The following HEXB variants were observed in gnomAD, a reference collection of about 807,000 sequenced individuals.
The protein encoded by HEXB is hexosaminidase subunit beta.
In HEXB, 51 loss-of-function variants were observed where a neutral mutation model predicts 71.2. The observed-to-expected ratio is 0.72, with a 90% confidence interval of 0.57 to 0.90. The LOEUF (loss-of-function observed/expected upper bound fraction) is 0.90. Ranked by LOEUF, HEXB falls within the 40% of genes least tolerant of loss-of-function variation. HEXB has a pLI of 0.00. For synonymous variants in HEXB, 266 were observed against 249.3 expected (o/e 1.07, Z -0.63); for missense variants, 617 against 677.0 (o/e 0.91, Z 0.98).
chr5:74,685,660 G>C (rs1748851304), intron 1 of HEXB, 101 bp downstream of exon 1: 4 of 1,093,994 alleles, frequency 3.7e-6, no homozygotes, highest in Non-Finnish European at 5.1e-6. Flanking sequence ...GCGCAGACGA[G>C]AAACCGCCTG....
chr5:74,670,334 T>C lies in HEXB; in HGVS notation c.-376-18994T>C, dbSNP rs1371621271. Among the ~76,000 whole-genome samples the C allele has an allele frequency of 2.6e-5, 4 of 151,814 alleles. No individual in the cohort carries two copies. The East Asian group carries it at 5.8e-4, about 22-fold the overall frequency. The stretch of plus-strand genomic sequence containing the variant: ...GACTCAGCCACACTGAGAGAAACCA[T>C]CAACTTCAGGCGGGGGACCACCCTC... On this transcript the variant is annotated intron_variant, in intron 1 of 13. Transcript: ENST00000511181.
chr5:74,701,554 T>C (rs189487519), intron 5 of HEXB, among the ~76,000 whole-genome samples: 23 of 152,282 alleles, frequency 1.5e-4, no homozygotes, highest in African/African-American at 5.3e-4. Flanking sequence ...TCATAATCTT[T>C]ACTACTTTAT....
intron 1 of HEXB, among the ~76,000 whole-genome samples, chr5:74,661,231 T>C (rs1450357260): frequency 6.6e-6 from 1 of 152,180 alleles, no homozygotes; most frequent in African/African-American, 2.4e-5. Context: ...TTCCAGAAGC[T>C]GAACATAAAT....
chr5:74,718,222 A>G (rs1243313728), intron 9 of HEXB, 69 bp from the exon 10 acceptor site: 2 of 1,064,826 alleles, frequency 1.9e-6, no homozygotes, highest in African/African-American at 3.2e-5. Context: ...CTTGGTAGAA[A>G]ATGTACATGT....
At chr5:74,718,457 AC>A (rs1749729925) in intron 10 of HEXB, 94 bp downstream of exon 10, 1 of 948,432 alleles carries the variant, frequency 1.1e-6, no homozygotes, top group African/African-American at 1.6e-5. Flanking sequence ...TACTAGTATT[AC>A]CTTTCTAGTG....
intron 1 of HEXB, among the ~76,000 whole-genome samples, chr5:74,648,345 G>T (rs181037721): frequency 1.9e-3 from 294 of 152,234 alleles, no homozygotes; most frequent in Non-Finnish European, 3.4e-3. Flanking sequence ...ATTTACTTTT[G>T]TAGTTGACTT....
intron 6 of HEXB, among the ~76,000 whole-genome samples, chr5:74,712,354 G>A (rs1007394490): frequency 2.0e-4 from 30 of 150,470 alleles, no homozygotes; most frequent in South Asian, 1.3e-3. Flanking sequence ...TGGGTGCAGC[G>A]CACCAGCATG....
chr5:74,658,638 T>C (rs1035505745), intron 1 of HEXB, among the ~76,000 whole-genome samples: 1 of 152,166 alleles, frequency 6.6e-6, no homozygotes, highest in Non-Finnish European at 1.5e-5. Context: ...CCCTGGGTGG[T>C]AATATCCCTT....
chr5:74,720,525 G>T lies in HEXB; in HGVS notation c.1508+7G>T. The stretch of plus-strand genomic sequence containing the variant: ...ACCTCACTCCAAGATTATGGTATGG[G>T]ATTTACCTGATAACATTTAAGAATT... On this transcript the variant is annotated splice_region_variant and intron_variant, in intron 12 of 13. Coordinates refer to ENST00000261416, the MANE Select transcript of HEXB (RefSeq NM_000521.4). 6.2e-7 allele frequency: 1 copy of T among 1,603,120 alleles called. No individual in the cohort carries two copies. The highest frequency in any genetic ancestry group is 1.1e-5 in the South Asian group (1 of 90,884).
At chr5:74,654,659 C>T (rs1195944008) in intron 1 of HEXB, among the ~76,000 whole-genome samples, 1 of 151,880 alleles carries the variant, frequency 6.6e-6, no homozygotes, top group Non-Finnish European at 1.5e-5. Flanking sequence ...GAGGGGGAAA[C>T]GAGGAATAAG....
chr5:74,697,792 A>C (rs1252598949), intron 5 of HEXB, among the ~76,000 whole-genome samples: 1 of 151,454 alleles, frequency 6.6e-6, no homozygotes, highest in Non-Finnish European at 1.5e-5. Flanking sequence ...TGCCATTTAA[A>C]TTTTGTGACC....
rs976848045 is a variant in HEXB at position 74,718,874 on chromosome 5, C to T, written c.1320C>T (p.Gly440=). The T allele has an allele frequency of 3.1e-6, 5 of 1,613,922 alleles. No homozygotes were observed. The highest frequency in any genetic ancestry group is 4.2e-6 in the Non-Finnish European group (5 of 1,179,820). The change falls in exon 11 of 14, where the codon GGC becomes GGT. Residue 440 remains glycine (G), a synonymous_variant. Coordinates refer to ENST00000261416, the MANE Select transcript of HEXB (RefSeq NM_000521.4). ...PEELSRVTAS[G]FPVILSAPWY... ...AACTCAGTAGAGTCACAGCATCTGGCTTCCCTGTAATCCTTTCTGCTCCTT... is the reference window on the plus strand; with the variant it reads ...AACTCAGTAGAGTCACAGCATCTGGTTTCCCTGTAATCCTTTCTGCTCCTT...
At chr5:74,712,656 C>T (rs1476493741) in intron 6 of HEXB, among the ~76,000 whole-genome samples, 1 of 152,112 alleles carries the variant, frequency 6.6e-6, no homozygotes, top group Non-Finnish European at 1.5e-5. Flanking sequence ...AGTCATGTGT[C>T]CTACAGTTTC....
intron 1 of HEXB, among the ~76,000 whole-genome samples, chr5:74,665,325 A>T (rs951232777): frequency 1.3e-5 from 2 of 152,226 alleles, no homozygotes; most frequent in Admixed American, 6.5e-5. Flanking sequence ...TAGGATTTTT[A>T]AAATTTTCTT....
intron 5 of HEXB, among the ~76,000 whole-genome samples, chr5:74,701,970 C>G (rs1749270855): frequency 6.8e-6 from 1 of 148,082 alleles, no homozygotes; most frequent in Non-Finnish European, 1.5e-5. Context: ...CCAACAATGT[C>G]TTTTATAGGT....
chr5:74,684,858 G>A (rs946629712), upstream of HEXB, among the ~76,000 whole-genome samples: 1 of 151,770 alleles, frequency 6.6e-6, no homozygotes, highest in Non-Finnish European at 1.5e-5. Context: ...TTGTATTTTT[G>A]TAGAGTCGGG....
At chr5:74,719,086 G>A (rs1749746482) in intron 11 of HEXB, 115 bp downstream of exon 11, 1 of 924,462 alleles carries the variant, frequency 1.1e-6, no homozygotes, top group South Asian at 1.3e-5. Context: ...CACCCCAGAA[G>A]TCTTTACCTA....
In HEXB at chr5:74,685,318, G is replaced by C. The variant is rs1231362277; in HGVS notation, c.58G>C (p.Ala20Pro). 1 of 1,571,746 alleles carries C rather than the reference G, an allele frequency of 6.4e-7. No homozygotes were observed. Among genetic ancestry groups the C allele is most frequent in the Non-Finnish European group, 8.6e-7 (1 of 1,161,386 alleles). ...GCCCATGCTGCTGGCGCTGCTGTTGGCGACACTGCTGGCGGCGATGTTGGC... is the reference window on the plus strand; with the variant it reads ...GCCCATGCTGCTGGCGCTGCTGTTGCCGACACTGCTGGCGGCGATGTTGGC... ...RPPMLLALLL[A>P]TLLAAMLALL... The change falls in exon 1 of 14, where the codon GCG (alanine) becomes CCG (proline). Residue 20 changes from alanine to proline, a missense_variant. Transcript: ENST00000261416.
In HEXB at chr5:74,641,977, G is replaced by GGTCCCCGC. The variant is rs1747903372; in HGVS notation, c.-377+1426_-377+1433dup. ...CACGACAGAGTTTATTCCGTCCCCG[G>GGTCCCCGC]GTCCCCGCGTCCCCAAGCGCCCGCG... On this transcript the variant is annotated intron_variant, in intron 1 of 13. Transcript: ENST00000511181. This position sits in a 1 kb window ranked among gnomAD's most constrained non-coding sequence, Gnocchi z 4.1. Among the ~76,000 whole-genome samples, 1 of 152,080 alleles carries GGTCCCCGC rather than the reference G, an allele frequency of 6.6e-6. No individual in the cohort carries two copies. The highest frequency in any genetic ancestry group is 1.5e-5 in the Non-Finnish European group (1 of 68,010).
Sources: allele counts gnomAD v4.1 joint callset (sites outside exome capture counted in the v4.1 genomes callset), GRCh38; gene constraint gnomAD v4.1.1; non-coding constraint Gnocchi (gnomAD v3.1); transcripts MANE v1.5; gene names NCBI Gene and HGNC (gene_info 2026-07-23, HGNC 2026-07-21).